DYNC2LI1: variants seen among roughly 807,000 people sequenced by gnomAD.
DYNC2LI1 encodes cytoplasmic dynein 2 light intermediate chain 1.
A neutral mutation model predicts 51.9 loss-of-function variants in DYNC2LI1; 45 were observed. The ratio of observed to expected loss-of-function variants is 0.87; its 90% CI spans 0.68 to 1.11. The LOEUF (loss-of-function observed/expected upper bound fraction) is 1.11. Among genes scored for constraint, DYNC2LI1 ranks in the 50% most tolerant of loss-of-function variants. DYNC2LI1 has a pLI of 0.00. For synonymous variants in DYNC2LI1, 130 were observed against 137.8 expected, an observed-to-expected ratio of 0.94 and a Z score of 0.40; for missense variants, 490 against 417.4, an observed-to-expected ratio of 1.17 and a Z score of -1.51.
intron 1 of DYNC2LI1, among the ~76,000 whole-genome samples, chr2:43,775,192 GCA>G (rs372297334): frequency 1.3e-5 from 2 of 152,104 alleles, no homozygotes; most frequent in African/African-American, 4.8e-5. Context: ...CTGGGGAATA[GCA>G]CAGAGGATTG....
At chr2:43,782,339 T>C (rs934538410) in intron 2 of DYNC2LI1, among the ~76,000 whole-genome samples, 1 of 152,064 alleles carries the variant, frequency 6.6e-6, no homozygotes. Context: ...AATTTGATCG[T>C]ATTCCAGATA....
rs1327098092 is a variant in DYNC2LI1 at position 43,800,657 on chromosome 2, C to T, written c.655-184C>T. On this transcript the variant is annotated intron_variant, in intron 8 of 12. Transcript: ENST00000260605. ...TCATGTACTCATTAAGTTTGAAGAA[C>T]GAGTTAAAGTTACCAAGATTTCTTT... Among the ~76,000 whole-genome samples, 5 of 152,076 alleles carry T rather than the reference C, an allele frequency of 3.3e-5. No individual in the cohort carries two copies. The East Asian group carries it at 5.8e-4, about 18-fold the overall frequency.
At chr2:43,800,997 C>G in intron 9 of DYNC2LI1, 80 bp downstream of exon 9, 1 of 882,606 alleles carries the variant, frequency 1.1e-6, no homozygotes, top group Non-Finnish European at 1.7e-6. Flanking sequence ...TTGTTCTACT[C>G]AGTCTCTTGT....
intron 3 of DYNC2LI1, among the ~76,000 whole-genome samples, chr2:43,786,426 C>T (rs1673523287): frequency 6.6e-6 from 1 of 152,110 alleles, no homozygotes. Context: ...AAGCAATTTA[C>T]TCGCCTCAGC....
Position 43,801,726 on chromosome 2 carries a change from AGAT to A in DYNC2LI1, c.802+18_802+20del, listed in dbSNP as rs1349084177. 6.3e-7 allele frequency: 1 copy of A among 1,584,922 alleles called. No individual in the cohort carries two copies. The highest frequency in any genetic ancestry group is 2.2e-5 in the East Asian group (1 of 44,626). ...GTCAAATAGGTTAGTGAACTTATTA[AGAT>A]TGTTCAATCTTTTTTTAATTGCTTA... On this transcript the variant is annotated intron_variant, in intron 10 of 12. Transcript: ENST00000260605.
the DYNC2LI1 span, chr2:43,823,994 CA>C: frequency 6.2e-7 from 1 of 1,614,210 alleles, no homozygotes; most frequent in Middle Eastern, 1.6e-4. Flanking sequence ...TCCTGGATAG[CA>C]CCCTTTAGCA....
intron 5 of DYNC2LI1, among the ~76,000 whole-genome samples, chr2:43,792,006 C>T (rs1673815518): frequency 6.6e-6 from 1 of 151,858 alleles, no homozygotes; most frequent in East Asian, 1.9e-4. Flanking sequence ...AATAATTTTT[C>T]ATTTGAAAAA....
chr2:43,778,452 C>A, intron 2 of DYNC2LI1, among the ~76,000 whole-genome samples: 1 of 152,188 alleles, frequency 6.6e-6, no homozygotes, highest in East Asian at 1.9e-4. Flanking sequence ...CCGCCCCTGG[C>A]TACGCATTAT....
chr2:43,815,928 G>A, the DYNC2LI1 span, among the ~76,000 whole-genome samples: 594 of 120,530 alleles, frequency 4.9e-3, 5 homozygotes, highest in African/African-American at 0.02. Context: ...AAAAAAAAAA[G>A]GACCAGACTA....
chr2:43,785,336 G>A (rs1673476613), intron 3 of DYNC2LI1, among the ~76,000 whole-genome samples: 1 of 152,140 alleles, frequency 6.6e-6, no homozygotes, highest in Non-Finnish European at 1.5e-5. Context: ...AAGATATGTA[G>A]CAACATAATT....
chr2:43,788,418 A>G (rs1673623369), intron 4 of DYNC2LI1, among the ~76,000 whole-genome samples: 1 of 152,194 alleles, frequency 6.6e-6, no homozygotes. Flanking sequence ...ACTGTGTACT[A>G]TCAAGTGGGA....
chr2:43,777,519 A>T (rs866602382), intron 2 of DYNC2LI1, among the ~76,000 whole-genome samples: 6 of 152,260 alleles, frequency 3.9e-5, no homozygotes, highest in African/African-American at 1.2e-4. Flanking sequence ...AGGCAAAATG[A>T]CTGGTGACAC....
At chr2:43,813,479 T>C (rs1044315270), downstream of DYNC2LI1, among the ~76,000 whole-genome samples, 3 of 152,184 alleles carry the variant, frequency 2.0e-5, no homozygotes, top group Admixed American at 2.0e-4. Context: ...GGCCTTTGGC[T>C]TCATTTGAAG....
At chr2:43,784,661 C>A (rs914119416) in intron 3 of DYNC2LI1, among the ~76,000 whole-genome samples, 1 of 152,064 alleles carries the variant, frequency 6.6e-6, no homozygotes, top group Non-Finnish European at 1.5e-5. Flanking sequence ...CTCGAACTCA[C>A]GATGTCAGGT....
chr2:43,824,680 G>A, the DYNC2LI1 span: 14 of 968,128 alleles, frequency 1.4e-5, no homozygotes, highest in East Asian at 1.1e-4. Context: ...GTAGCAGTGC[G>A]CCAGTTTGTT....
the DYNC2LI1 span, chr2:43,824,148 T>C: frequency 1.3e-3 from 2,170 of 1,614,180 alleles, 32 homozygotes; most frequent in African/African-American, 0.027. Context: ...TTTTAATTCC[T>C]TTTCAGAATT....
downstream of DYNC2LI1, among the ~76,000 whole-genome samples, chr2:43,810,946 G>T (rs752744049): frequency 3.9e-5 from 6 of 152,142 alleles, no homozygotes; most frequent in Admixed American, 6.6e-5. Context: ...TTTTTGACTT[G>T]AGACACAAAC....
the DYNC2LI1 span, chr2:43,828,177 G>A: frequency 6.2e-7 from 1 of 1,609,550 alleles, no homozygotes; most frequent in Non-Finnish European, 8.5e-7. Context: ...TCAATTCATG[G>A]GCTGGGGAGG....
chr2:43,823,181 G>T, the DYNC2LI1 span, among the ~76,000 whole-genome samples: 5 of 152,126 alleles, frequency 3.3e-5, no homozygotes, highest in African/African-American at 4.8e-5. Flanking sequence ...TCTCTAAAGT[G>T]GGGAGTTGTC....
Sources: allele counts gnomAD v4.1 joint callset (sites outside exome capture counted in the v4.1 genomes callset), GRCh38; gene constraint gnomAD v4.1.1; transcripts MANE v1.5; gene names NCBI Gene and HGNC (gene_info 2026-07-23, HGNC 2026-07-21).